OXR1: variants seen among roughly 807,000 people sequenced by gnomAD.
OXR1 encodes the protein oxidation resistance protein 1.
In OXR1, 41 loss-of-function variants were observed where a neutral mutation model predicts 104.6. The ratio of observed to expected loss-of-function variants is 0.39; its 90% CI spans 0.31 to 0.51. OXR1 has a LOEUF of 0.51. OXR1 is among the 20% of genes least tolerant of loss of function. OXR1 has a pLI of 0.77. For missense variants in OXR1, 955 were observed against 1,031.9 expected, an observed-to-expected ratio of 0.93 and a Z score of 1.02; for synonymous variants, 348 against 348.4, an observed-to-expected ratio of 1.00 and a Z score of 0.01.
intron 3 of OXR1, among the ~76,000 whole-genome samples, chr8:106,546,457 T>G (rs550228971): frequency 6.6e-6 from 1 of 152,338 alleles, no homozygotes; most frequent in South Asian, 2.1e-4. Flanking sequence ...GAGACAGGTC[T>G]CAATCAATTT....
chr8:106,503,329 G>A (rs1346156599), intron 2 of OXR1, among the ~76,000 whole-genome samples: 1 of 152,120 alleles, frequency 6.6e-6, no homozygotes, highest in Admixed American at 6.6e-5. Flanking sequence ...AAACTGAGAA[G>A]GTACCTTTTA....
At chr8:106,588,371 A>G (rs548540401) in intron 3 of OXR1, among the ~76,000 whole-genome samples, 5 of 152,164 alleles carry the variant, frequency 3.3e-5, no homozygotes, top group African/African-American at 1.2e-4. Flanking sequence ...GGACTGCCAG[A>G]TATTGGGTTA....
chr8:106,385,487 A>T (rs1817336485), intron 2 of OXR1, among the ~76,000 whole-genome samples: 1 of 152,142 alleles, frequency 6.6e-6, no homozygotes, highest in Non-Finnish European at 1.5e-5. Flanking sequence ...ATGCTATATT[A>T]TGCAATTGTA....
chr8:106,692,661 TA>T, intron 6 of OXR1, 66 bp from the exon 7 acceptor site: 1 of 987,324 alleles, frequency 1.0e-6, no homozygotes. Context: ...TTTGACTTTT[TA>T]ATAGTGTGCT....
chr8:106,313,023 T>A (rs948493730), intron 1 of OXR1, among the ~76,000 whole-genome samples: 1 of 152,154 alleles, frequency 6.6e-6, no homozygotes, highest in African/African-American at 2.4e-5. Context: ...AACGTGATTA[T>A]AAGGAGCATC....
chr8:106,679,390 G>C, intron 4 of OXR1, 98 bp downstream of exon 4: 3 of 505,412 alleles, frequency 5.9e-6, no homozygotes, highest in Admixed American at 3.6e-5. Context: ...ATTGTTAATT[G>C]CCTTATTTTT....
At chr8:106,597,969 C>T (rs1291757134) in intron 3 of OXR1, among the ~76,000 whole-genome samples, 1 of 152,168 alleles carries the variant, frequency 6.6e-6, no homozygotes, top group East Asian at 1.9e-4. Context: ...CCTCTGGCCA[C>T]CCTCTAAAGA....
At chr8:106,502,074 A>C (rs543793950) in intron 2 of OXR1, among the ~76,000 whole-genome samples, 1 of 152,318 alleles carries the variant, frequency 6.6e-6, no homozygotes, top group East Asian at 1.9e-4. Flanking sequence ...TTAGATACTG[A>C]AACATCATTT....
rs544473587 is a variant in OXR1 at position 106,431,537 on chromosome 8, T to C, written c.23+71901T>C. ...AGCTAGAACGAATTTAAAATAACTC[T>C]GCCATCATGCTTCATTTTTCTTCAT... On this transcript the variant is annotated intron_variant, in intron 2 of 16. Coordinates refer to ENST00000517566, the MANE Select transcript of OXR1 (RefSeq NM_001198533.2). Among the ~76,000 whole-genome samples the C allele has an allele frequency of 2.6e-5, 4 of 152,348 alleles. No homozygotes were observed. In the South Asian group the frequency reaches 6.2e-4, roughly 24 times the overall value.
At chr8:106,735,804 A>G (rs1460593069) in intron 11 of OXR1, among the ~76,000 whole-genome samples, 1 of 152,100 alleles carries the variant, frequency 6.6e-6, no homozygotes, top group Non-Finnish European at 1.5e-5. Flanking sequence ...TCTTAATTGA[A>G]AGTCCTTCAT....
chr8:106,488,012 T>C lies in OXR1; in HGVS notation c.24-30931T>C, dbSNP rs937093279. Among the ~76,000 whole-genome samples the C allele has an allele frequency of 1.2e-3, 172 of 148,420 alleles. 1 individual carries two copies. The highest frequency in any genetic ancestry group is 3.5e-3 in the Middle Eastern group (1 of 288). On this transcript the variant is annotated intron_variant, in intron 2 of 16. Coordinates refer to ENST00000517566, the MANE Select transcript of OXR1 (RefSeq NM_001198533.2). ...GGAATCGCCACACTGACTTCCACAA[T>C]GGTTGAACTAGTTTACAGTCCCACC...
intron 11 of OXR1, among the ~76,000 whole-genome samples, 158 bp from the exon 12 acceptor site, chr8:106,737,362 A>T (rs1834475893): frequency 6.6e-6 from 1 of 151,344 alleles, no homozygotes; most frequent in African/African-American, 2.4e-5. Context: ...CTAGTTTGAT[A>T]TATAAATCTC....
chr8:106,330,044 A>T (rs1358113397), intron 1 of OXR1, among the ~76,000 whole-genome samples: 1 of 152,104 alleles, frequency 6.6e-6, no homozygotes, highest in Non-Finnish European at 1.5e-5. Flanking sequence ...TTGTCCTATG[A>T]TTTAGCCACA....
chr8:106,744,459 A>G (rs1476314802), intron 15 of OXR1, among the ~76,000 whole-genome samples: 1 of 152,194 alleles, frequency 6.6e-6, no homozygotes, highest in Non-Finnish European at 1.5e-5. Context: ...GGACTTAGTA[A>G]AGAATATACA....
At chr8:106,325,791 T>A (rs1814446162) in intron 1 of OXR1, among the ~76,000 whole-genome samples, 1 of 152,232 alleles carries the variant, frequency 6.6e-6, no homozygotes, top group South Asian at 2.1e-4. Flanking sequence ...TATGCAAATA[T>A]GCATAGATTA....
intron 1 of OXR1, among the ~76,000 whole-genome samples, chr8:106,343,847 C>A (rs894602181): frequency 6.6e-5 from 10 of 152,122 alleles, no homozygotes; most frequent in African/African-American, 9.7e-5. Flanking sequence ...ATTTTTAAAA[C>A]AACATCATGA....
chr8:106,554,628 G>A (rs1031081486), intron 3 of OXR1, among the ~76,000 whole-genome samples: 5 of 152,134 alleles, frequency 3.3e-5, no homozygotes, highest in Non-Finnish European at 7.4e-5. Context: ...CAACTTTACT[G>A]TAATCTACAA....
In OXR1 at chr8:106,693,470, G is replaced by A. The variant is rs900860825; in HGVS notation, c.675+593G>A. 8.0e-5 allele frequency among the ~76,000 whole-genome samples: 10 copies of A among 125,574 alleles called. No individual in the cohort carries two copies. In the East Asian group the frequency reaches 2.2e-3, roughly 27 times the overall value. 82.4% of individuals were successfully genotyped at this position (125,574 alleles called of 152,430 possible). ...TTGAGATGAAGTTTCGCTCTTATCA[G>A]CCAGGCTGGAGTGCAATGGCGTGAT... On this transcript the variant is annotated intron_variant, in intron 7 of 16. Coordinates refer to ENST00000517566, the MANE Select transcript of OXR1 (RefSeq NM_001198533.2).
At chr8:106,486,905 C>T (rs1810695253) in intron 2 of OXR1, among the ~76,000 whole-genome samples, 1 of 151,772 alleles carries the variant, frequency 6.6e-6, no homozygotes, top group Admixed American at 6.6e-5. Context: ...ATACCTTCAA[C>T]ATCAATGTAG....
Sources: allele counts gnomAD v4.1 joint callset (sites outside exome capture counted in the v4.1 genomes callset), GRCh38; gene constraint gnomAD v4.1.1; transcripts MANE v1.5; gene names NCBI Gene and HGNC (gene_info 2026-07-23, HGNC 2026-07-21).